The following NRG1 variants were observed in gnomAD, a reference collection of about 807,000 sequenced individuals.
NRG1 encodes pro-neuregulin-1, membrane-bound isoform.
In NRG1, 18 loss-of-function variants were observed where a neutral mutation model predicts 63.8. The observed-to-expected ratio is 0.28, with a 90% CI of 0.19 to 0.42. NRG1 has a LOEUF of 0.42. Among genes scored for constraint, NRG1 ranks in the 10% least tolerant of loss-of-function variants. NRG1 has a pLI of 1.00. For synonymous variants in NRG1, 302 were observed against 301.3 expected (o/e 1.00, Z -0.02); for missense variants, 762 against 814.7 (o/e 0.94, Z 0.79).
intron 1 of NRG1, among the ~76,000 whole-genome samples, chr8:31,792,524 A>AT (rs1264657975): frequency 2.6e-5 from 4 of 152,226 alleles, no homozygotes; most frequent in Non-Finnish European, 5.9e-5. Context: ...AGTTTGGTTT[A>AT]TTTTTTAACT....
At chr8:32,732,461 A>C (rs952741514) in intron 6 of NRG1, among the ~76,000 whole-genome samples, 3 of 152,280 alleles carry the variant, frequency 2.0e-5, no homozygotes, top group East Asian at 3.9e-4. Context: ...GGCTGTGCTT[A>C]TAAGTCCAAC....
chr8:32,535,255 A>T (rs1831843423), intron 1 of NRG1, among the ~76,000 whole-genome samples: 1 of 152,204 alleles, frequency 6.6e-6, no homozygotes, highest in African/African-American at 2.4e-5. Context: ...CAGGCCAAAA[A>T]GTTTGCTGTT....
chr8:32,268,623 A>G (rs562830824), intron 1 of NRG1, among the ~76,000 whole-genome samples: 3 of 150,930 alleles, frequency 2.0e-5, no homozygotes, highest in Non-Finnish European at 4.4e-5. Flanking sequence ...ATTTAAGCTT[A>G]ATCATGACAC....
intron 1 of NRG1, among the ~76,000 whole-genome samples, chr8:32,397,408 A>G (rs1812580105): frequency 1.3e-5 from 2 of 152,130 alleles, no homozygotes; most frequent in Non-Finnish European, 2.9e-5. Flanking sequence ...TACATAATAA[A>G]TACTCAATAA....
chr8:32,425,504 A>G (rs1160754562), intron 1 of NRG1, among the ~76,000 whole-genome samples: 1 of 152,110 alleles, frequency 6.6e-6, no homozygotes, highest in Non-Finnish European at 1.5e-5. Flanking sequence ...TACCTCCCCC[A>G]TCTATTTTTA....
intron 1 of NRG1, among the ~76,000 whole-genome samples, chr8:31,998,701 T>C (rs1040269194): frequency 1.3e-5 from 2 of 152,008 alleles, no homozygotes. Flanking sequence ...CTGACATTTG[T>C]TGAAGAAAGG....
At chr8:32,681,807 G>A (rs749951929) in intron 5 of NRG1, among the ~76,000 whole-genome samples, 1 of 152,062 alleles carries the variant, frequency 6.6e-6, no homozygotes, top group African/African-American at 2.4e-5. Context: ...TGAAACAGAC[G>A]GCGACCCATT....
At chr8:32,073,176 T>C (rs747649023) in intron 1 of NRG1, among the ~76,000 whole-genome samples, 1 of 152,192 alleles carries the variant, frequency 6.6e-6, no homozygotes, top group Admixed American at 6.5e-5. Context: ...CCTTTGGGTG[T>C]TCCGCGTCAT....
At chr8:32,625,646 A>G (rs960678612) in intron 5 of NRG1, among the ~76,000 whole-genome samples, 48 of 152,246 alleles carry the variant, frequency 3.2e-4, no homozygotes, top group African/African-American at 1.1e-3. Context: ...GGAAAGTAAC[A>G]TATAGATAGG....
rs187838139 is a variant in NRG1, at chr8:32,235,275, T to C, written c.38-360553T>C. Among the ~76,000 whole-genome samples the C allele has an allele frequency of 7.1e-3, 1,062 of 149,756 alleles. 3 individuals carry two copies. Among genetic ancestry groups the C allele is most frequent in the Non-Finnish European group, 0.012 (830 of 67,686 alleles). On this transcript the variant is annotated intron_variant, in intron 1 of 10. Coordinates refer to the NRG1 transcript ENST00000519301. ...AAAAAAAAAGAGCCGGGCATGAACCTGTAGTTTCAGCTACTTGGGAGACTG... is the reference window on the plus strand; with the variant it reads ...AAAAAAAAAGAGCCGGGCATGAACCCGTAGTTTCAGCTACTTGGGAGACTG...
At chr8:31,684,913 A>G (rs1585650809) in intron 1 of NRG1, among the ~76,000 whole-genome samples, 1 of 152,218 alleles carries the variant, frequency 6.6e-6, no homozygotes. Context: ...CTTGATATAA[A>G]TAGAAATAGC....
At chr8:32,413,133 T>A (rs1037039991) in intron 1 of NRG1, among the ~76,000 whole-genome samples, 10 of 152,190 alleles carry the variant, frequency 6.6e-5, no homozygotes, top group Non-Finnish European at 1.2e-4. Context: ...ATCCTAAGAA[T>A]TTACCCTAAG....
Position 31,640,154 on chromosome 8 carries a change from C to A in NRG1, c.37+723C>A, listed in dbSNP as rs1308003839. On this transcript the variant is annotated intron_variant, in intron 1 of 10. Coordinates refer to the NRG1 transcript ENST00000519301. This position sits in a 1 kb window ranked among gnomAD's most constrained non-coding sequence, Gnocchi z 6.3. ...GCGGCCGGCAACGAGGCGGCTCCCG[C>A]GGGGGCCTCGGTGTGCTACTCGTCC... 6 of 1,176,302 alleles carry A rather than the reference C, an allele frequency of 5.1e-6. No homozygotes were observed. The highest frequency in any genetic ancestry group is 6.3e-6 in the Non-Finnish European group (6 of 952,370). The allele number at this position is 1,176,302 out of a possible 1,614,324, so 72.9% of individuals were successfully genotyped here.
intron 1 of NRG1, among the ~76,000 whole-genome samples, chr8:31,889,213 G>T (rs978653934): frequency 6.6e-6 from 1 of 152,032 alleles, no homozygotes; most frequent in Admixed American, 6.6e-5. Context: ...CAAATCCAGC[G>T]TTTTTCCTTG....
chr8:31,736,343 C>T (rs899157387), intron 1 of NRG1, among the ~76,000 whole-genome samples: 9 of 152,118 alleles, frequency 5.9e-5, no homozygotes, highest in African/African-American at 1.9e-4. Context: ...CCTTCGCTGA[C>T]TTCCCTGCAT....
chr8:32,519,387 G>A (rs1830123552), intron 1 of NRG1, among the ~76,000 whole-genome samples: 1 of 151,558 alleles, frequency 6.6e-6, no homozygotes, highest in Non-Finnish European at 1.5e-5. Context: ...GTTAAAGGTT[G>A]TTATTTCATT....
chr8:31,858,793 C>T (rs561646266), intron 1 of NRG1, among the ~76,000 whole-genome samples: 11 of 152,304 alleles, frequency 7.2e-5, no homozygotes, highest in Admixed American at 2.0e-4. Context: ...TCCAGGACAA[C>T]GCCCGACTGC....
intron 1 of NRG1, among the ~76,000 whole-genome samples, chr8:32,195,713 G>C (rs970777843): frequency 6.6e-6 from 1 of 152,184 alleles, no homozygotes; most frequent in Non-Finnish European, 1.5e-5. Flanking sequence ...TAGTCTCTGA[G>C]TGTTTCACTG....
At chr8:32,194,816 G>C in intron 1 of NRG1, among the ~76,000 whole-genome samples, 1 of 151,792 alleles carries the variant, frequency 6.6e-6, no homozygotes, top group East Asian at 1.9e-4. Context: ...CTACTTTTTT[G>C]AATAAAGAGA....
Sources: allele counts gnomAD v4.1 joint callset (sites outside exome capture counted in the v4.1 genomes callset), GRCh38; gene constraint gnomAD v4.1.1; non-coding constraint Gnocchi (gnomAD v3.1); transcripts MANE v1.5; gene names NCBI Gene and HGNC (gene_info 2026-07-23, HGNC 2026-07-21).